The following TRIO variants were observed in gnomAD, a reference collection of about 807,000 sequenced individuals.
TRIO encodes the protein triple functional domain protein.
TRIO carries 58 observed loss-of-function variants against 351.9 expected under a neutral mutation model. The ratio of observed to expected loss-of-function variants is 0.16; its 90% confidence interval spans 0.13 to 0.21. The LOEUF is 0.21. Ranked by LOEUF, TRIO falls within the 10% of genes least tolerant of loss-of-function variation. The pLI is 1.00. For missense variants in TRIO, 3,201 were observed against 4,027.8 expected, an observed-to-expected ratio of 0.79 and a Z score of 5.56; for synonymous variants, 1,758 against 1,595.7, an observed-to-expected ratio of 1.10 and a Z score of -2.42.
At chr5:14,334,434 T>A (rs532392655) in intron 10 of TRIO, among the ~76,000 whole-genome samples, 3 of 152,358 alleles carry the variant, frequency 2.0e-5, no homozygotes, top group Admixed American at 2.0e-4. Context: ...AGAAATGCAC[T>A]TGTTTCTTTG....
At chr5:14,289,309 C>T (rs143595444) in intron 4 of TRIO, among the ~76,000 whole-genome samples, 2 of 151,274 alleles carry the variant, frequency 1.3e-5, no homozygotes, top group South Asian at 2.1e-4. Flanking sequence ...CACTTGAAAT[C>T]GGAAGGTGTA....
chr5:14,212,714 T>C (rs936076467), intron 1 of TRIO, among the ~76,000 whole-genome samples: 1 of 152,172 alleles, frequency 6.6e-6, no homozygotes, highest in Admixed American at 6.5e-5. Context: ...TCCTGACCAG[T>C]GTACATCAGG....
chr5:14,268,108 T>G (rs1288046226), intron 1 of TRIO, among the ~76,000 whole-genome samples: 1 of 152,202 alleles, frequency 6.6e-6, no homozygotes, highest in African/African-American at 2.4e-5. Flanking sequence ...GGGGGGAAAC[T>G]GAGGGACCAA....
intron 1 of TRIO, among the ~76,000 whole-genome samples, chr5:14,156,501 G>A (rs73053584): frequency 0.024 from 3,702 of 152,138 alleles, 171 homozygotes; most frequent in African/African-American, 0.085. Context: ...GCACCTCTTG[G>A]TGATAAAAAC....
At chr5:14,398,816 T>C (rs1046639771) in intron 29 of TRIO, 64 bp from the exon 30 acceptor site, 2 of 1,465,688 alleles carry the variant, frequency 1.4e-6, no homozygotes, top group Admixed American at 4.3e-5. Flanking sequence ...CTAATAATGC[T>C]TTCTTGTGCA....
At chr5:14,276,788 A>C (rs79129580) in intron 2 of TRIO, among the ~76,000 whole-genome samples, 11,866 of 152,248 alleles carry the variant, frequency 0.078, 523 homozygotes, top group African/African-American at 0.083. Context: ...ATTTAAAGAG[A>C]AAGAGGTGAT....
chr5:14,243,562 CA>C (rs1794255005), intron 1 of TRIO, among the ~76,000 whole-genome samples: 1 of 151,866 alleles, frequency 6.6e-6, no homozygotes, highest in East Asian at 1.9e-4. Flanking sequence ...GTCATAATGA[CA>C]AAACATAATA....
At position 14,461,305 on chromosome 5, in the gene TRIO, C is replaced by T. The variant is rs1386984060; in HGVS notation, c.5490C>T (p.Val1830=). ...DSAATPQDET[V]EERGRNEGLS... is the part of the protein sequence containing the mutation. ...CGGCCACCCCGCAGGACGAGACGGTCGAGGAGGTGAGGCTCTGCCCGCTGG... is the reference window on the plus strand; with the variant it reads ...CGGCCACCCCGCAGGACGAGACGGTTGAGGAGGTGAGGCTCTGCCCGCTGG... The change falls in exon 35 of 57, where the codon GTC becomes GTT. Residue 1830 remains valine, a synonymous_variant. Coordinates refer to ENST00000344204, the MANE Select transcript of TRIO (RefSeq NM_007118.4). 6.4e-7 allele frequency: 1 copy of T among 1,571,236 alleles called. No homozygotes were observed.
chr5:14,480,267 G>A (rs2126600351), intron 43 of TRIO, among the ~76,000 whole-genome samples: 1 of 152,312 alleles, frequency 6.6e-6, no homozygotes, highest in Middle Eastern at 3.4e-3. Context: ...GGTAGGACGG[G>A]AATCATCTGT....
chr5:14,492,560 T>C lies in TRIO; in HGVS notation c.7633-7T>C. On this transcript the variant is annotated splice_region_variant and splice_polypyrimidine_tract_variant and intron_variant, in intron 48 of 56. Transcript: ENST00000344204. Reference sequence around the variant, plus strand: ...GCCTTTCTCTGTCTTCATCTGTCCCTCTGCAGAGTGAAAGCAGCAGCAGTA... The same window carrying C: ...GCCTTTCTCTGTCTTCATCTGTCCCCCTGCAGAGTGAAAGCAGCAGCAGTA... The C allele has an allele frequency of 6.2e-7, 1 of 1,613,960 alleles. No individual in the cohort carries two copies. The highest frequency in any genetic ancestry group is 8.5e-7 in the Non-Finnish European group (1 of 1,179,936).
chr5:14,389,440 A>G lies in TRIO; in HGVS notation c.4058+42A>G, dbSNP rs537636992. 15 of 1,426,944 alleles carry G rather than the reference A, an allele frequency of 1.1e-5. No individual in the cohort carries two copies. The South Asian group carries it at 1.5e-4, about 14-fold the overall frequency. 88.4% of individuals were successfully genotyped at this position (1,426,944 alleles called of 1,614,324 possible). On this transcript the variant is annotated intron_variant, in intron 25 of 56. Coordinates refer to ENST00000344204, the MANE Select transcript of TRIO (RefSeq NM_007118.4). The stretch of plus-strand genomic sequence containing the variant: ...TTGGGAGCAGTTACGCTTGAAATCC[A>G]TGTGCTGAAGTTTCATCACAAGAAA...
intron 1 of TRIO, among the ~76,000 whole-genome samples, chr5:14,247,822 C>T (rs1191985273): frequency 6.6e-6 from 1 of 152,140 alleles, no homozygotes; most frequent in Non-Finnish European, 1.5e-5. Context: ...AATCCCAGCA[C>T]TTTGAGAGGC....
intron 1 of TRIO, among the ~76,000 whole-genome samples, chr5:14,248,554 C>G (rs1353136462): frequency 6.6e-6 from 1 of 152,234 alleles, no homozygotes; most frequent in South Asian, 2.1e-4. Flanking sequence ...GGGGACAAGG[C>G]CTGCCTGGAA....
intron 1 of TRIO, among the ~76,000 whole-genome samples, chr5:14,174,758 A>G (rs555450560): frequency 2.0e-5 from 3 of 152,326 alleles, no homozygotes; most frequent in Middle Eastern, 3.4e-3. Flanking sequence ...ATTTTAGTCT[A>G]CAGTCGAGAC....
Position 14,497,659 on chromosome 5 carries a change from A to G in TRIO, c.8020-188A>G, listed in dbSNP as rs1483162527. Among the ~76,000 whole-genome samples the G allele has an allele frequency of 6.6e-6, 1 of 152,234 alleles. No homozygotes were observed. The highest frequency in any genetic ancestry group is 2.4e-5 in the African/African-American group (1 of 41,460). ...TGTTTTTGTGTTTGTGGGTAGGAAG[A>G]AAAAGACCCACCCAAATTAGTGTGA... On this transcript the variant is annotated intron_variant, in intron 50 of 56. Coordinates refer to ENST00000344204, the MANE Select transcript of TRIO (RefSeq NM_007118.4). The surrounding 1 kb of genome is among the most constrained non-coding windows in gnomAD (Gnocchi z 4.4).
intron 1 of TRIO, among the ~76,000 whole-genome samples, chr5:14,266,583 G>A (rs141345329): frequency 1.1e-3 from 175 of 152,206 alleles, no homozygotes; most frequent in African/African-American, 4.1e-3. Context: ...TTTAAAAGGT[G>A]GTAACAGAAT....
intron 1 of TRIO, among the ~76,000 whole-genome samples, chr5:14,176,403 G>A (rs1203103952): frequency 6.6e-6 from 1 of 152,136 alleles, no homozygotes; most frequent in African/African-American, 2.4e-5. Context: ...CCGGGAGGCG[G>A]AGCTTACAGT....
intron 30 of TRIO, 46 bp from the exon 31 acceptor site, chr5:14,400,917 C>T: frequency 6.3e-7 from 1 of 1,583,244 alleles, no homozygotes; most frequent in Non-Finnish European, 8.7e-7. Context: ...CTGCATCCTT[C>T]TAGAATTTTA....
intron 2 of TRIO, among the ~76,000 whole-genome samples, chr5:14,275,866 GTATA>G (rs56388390): frequency 1.5e-4 from 21 of 143,940 alleles, no homozygotes; most frequent in East Asian, 6.1e-4. Context: ...CTCTATGTGT[GTATA>G]TATATATATA....
Sources: allele counts gnomAD v4.1 joint callset (sites outside exome capture counted in the v4.1 genomes callset), GRCh38; gene constraint gnomAD v4.1.1; non-coding constraint Gnocchi (gnomAD v3.1); transcripts MANE v1.5; gene names NCBI Gene and HGNC (gene_info 2026-07-23, HGNC 2026-07-21).